Variants in CACNA1I observed in about 807,000 individuals in gnomAD.
CACNA1I encodes calcium voltage-gated channel subunit alpha1 I, also known as voltage-dependent T-type calcium channel subunit alpha-1I.
CACNA1I carries 74 observed loss-of-function variants against 201.6 expected under a neutral mutation model. The observed-to-expected ratio is 0.37, with a 90% CI of 0.30 to 0.45. CACNA1I has a LOEUF of 0.45. CACNA1I is among the 20% of genes least tolerant of loss of function. CACNA1I has a pLI of 1.00. For synonymous variants in CACNA1I, 1,431 were observed against 1,345.2 expected, an observed-to-expected ratio of 1.06 and a Z score of -1.40; for missense variants, 2,346 against 3,138.1, an observed-to-expected ratio of 0.75 and a Z score of 6.03.
chr22:39,635,321 G>C (rs1934181043), intron 5 of CACNA1I, among the ~76,000 whole-genome samples: 2 of 152,014 alleles, frequency 1.3e-5, no homozygotes, highest in Non-Finnish European at 2.9e-5. Flanking sequence ...CTGTGCTCGG[G>C]GCTCAGGATG....
chr22:39,680,521 C>T (rs1414147066), intron 33 of CACNA1I, among the ~76,000 whole-genome samples: 1 of 152,234 alleles, frequency 6.6e-6, no homozygotes, highest in African/African-American at 2.4e-5. Flanking sequence ...TCTCCGGTGT[C>T]TCTGGGCCCC....
chr22:39,620,733 G>C (rs532547712), intron 4 of CACNA1I, among the ~76,000 whole-genome samples: 6 of 143,920 alleles, frequency 4.2e-5, no homozygotes, highest in African/African-American at 1.5e-4. Context: ...GTTTTTTTTT[G>C]TTGTTGTTGT....
intron 1 of CACNA1I, among the ~76,000 whole-genome samples, chr22:39,595,065 G>A (rs132584): frequency 0.22 from 33,192 of 151,952 alleles, 4,744 homozygotes; most frequent in Non-Finnish European, 0.32. Context: ...CGAGGCAGGC[G>A]GATCACAAAG....
intron 3 of CACNA1I, among the ~76,000 whole-genome samples, chr22:39,611,874 C>T (rs1349606891): frequency 6.6e-6 from 1 of 152,150 alleles, no homozygotes; most frequent in Non-Finnish European, 1.5e-5. Flanking sequence ...CAGCATTCTT[C>T]CCCCAAATCC....
At chr22:39,593,264 C>T (rs985509040) in intron 1 of CACNA1I, among the ~76,000 whole-genome samples, 1 of 152,244 alleles carries the variant, frequency 6.6e-6, no homozygotes, top group Non-Finnish European at 1.5e-5. Flanking sequence ...GGTGTCAGCT[C>T]TCCAGGCTTG....
intron 1 of CACNA1I, among the ~76,000 whole-genome samples, chr22:39,585,906 C>T (rs1005206323): frequency 2.0e-5 from 3 of 151,498 alleles, no homozygotes; most frequent in Non-Finnish European, 2.9e-5. Flanking sequence ...TTTGACCTGG[C>T]GCGGTGGCTC....
chr22:39,631,362 C>T (rs1934057014), intron 4 of CACNA1I, among the ~76,000 whole-genome samples: 2 of 152,242 alleles, frequency 1.3e-5, no homozygotes, highest in African/African-American at 4.8e-5. Flanking sequence ...CTCAATCACA[C>T]TCATGGGGCT....
At chr22:39,644,231 G>C (rs770501154) in intron 7 of CACNA1I, among the ~76,000 whole-genome samples, 1 of 152,194 alleles carries the variant, frequency 6.6e-6, no homozygotes, top group Non-Finnish European at 1.5e-5. Context: ...GTTCCCGGGA[G>C]GGGCTGGAGG....
chr22:39,596,145 T>TC (rs1932882343), intron 1 of CACNA1I, among the ~76,000 whole-genome samples: 2 of 61,646 alleles, frequency 3.2e-5, no homozygotes, highest in African/African-American at 6.9e-5. Flanking sequence ...CGGAGAGAGA[T>TC]GGGGGAGCAG....
rs369448641 is a variant in CACNA1I at position 39,617,562 on chromosome 22, C to T, written c.483-1748C>T. ...CAGTCCTGGGCCCCGCGGGTGCCAGCGCCTGTTTGTGTGCCTGTGTGTGCC... is the reference window on the plus strand; with the variant it reads ...CAGTCCTGGGCCCCGCGGGTGCCAGTGCCTGTTTGTGTGCCTGTGTGTGCC... On this transcript the variant is annotated intron_variant, in intron 3 of 36. Coordinates refer to ENST00000402142, the MANE Select transcript of CACNA1I (RefSeq NM_021096.4). Among the ~76,000 whole-genome samples the T allele has an allele frequency of 5.9e-5, 9 of 152,264 alleles. No individual in the cohort carries two copies. The East Asian group carries it at 7.7e-4, about 13-fold the overall frequency.
intron 1 of CACNA1I, among the ~76,000 whole-genome samples, chr22:39,589,585 A>G (rs4374): frequency 0.87 from 132,936 of 152,232 alleles, 58,524 homozygotes; most frequent in Middle Eastern, 0.95. Flanking sequence ...GGCACCTTCC[A>G]GGAAGGAGCT....
At chr22:39,655,361 T>C (rs1934785417) in intron 10 of CACNA1I, among the ~76,000 whole-genome samples, 1 of 152,160 alleles carries the variant, frequency 6.6e-6, no homozygotes. Context: ...AGGCAGGGAC[T>C]TGCAGGCTCC....
rs564957504 is a variant in CACNA1I, at chr22:39,657,137, C to A, written c.1993-1015C>A. On this transcript the variant is annotated intron_variant, in intron 10 of 36. Coordinates refer to ENST00000402142, the MANE Select transcript of CACNA1I (RefSeq NM_021096.4). Reference sequence around the variant, plus strand: ...TAATGTCCAAACCAAACCCGGACCCCTCCAACTTCCCCCACTGCCCCCAGT... The same window carrying A: ...TAATGTCCAAACCAAACCCGGACCCATCCAACTTCCCCCACTGCCCCCAGT... Among the ~76,000 whole-genome samples, 5 of 152,356 alleles carry A rather than the reference C, an allele frequency of 3.3e-5. No homozygotes were observed. In the East Asian group the frequency reaches 7.7e-4, roughly 23 times the overall value.
intron 8 of CACNA1I, among the ~76,000 whole-genome samples, chr22:39,647,153 G>A (rs1934516718): frequency 9.3e-6 from 1 of 107,304 alleles, no homozygotes; most frequent in South Asian, 3.0e-4. Context: ...GGAGATAGCA[G>A]ATCGGCCTCG....
chr22:39,603,971 C>G (rs1276725401), intron 3 of CACNA1I, among the ~76,000 whole-genome samples: 1 of 152,156 alleles, frequency 6.6e-6, no homozygotes, highest in Non-Finnish European at 1.5e-5. Context: ...CTTTAGTGAA[C>G]AGGAAATTGT....
chr22:39,575,096 C>A (rs2145797411), intron 1 of CACNA1I, among the ~76,000 whole-genome samples: 1 of 152,384 alleles, frequency 6.6e-6, no homozygotes, highest in Non-Finnish European at 1.5e-5. Context: ...CTGGCCTGGG[C>A]CGTGGGCATG....
rs375623527 is a variant in CACNA1I, at chr22:39,659,565, C to T, written c.2448+15C>T. On this transcript the variant is annotated intron_variant, in intron 13 of 36. Coordinates refer to ENST00000402142, the MANE Select transcript of CACNA1I (RefSeq NM_021096.4). The surrounding 1 kb of genome is among the most constrained non-coding windows in gnomAD (Gnocchi z 4.3). ...CTGTGTTCCAGGTGAGTGGCCGCTG[C>T]GTGTTCATGTTTGCTGGGGAAGCGA... is the stretch of plus-strand genomic sequence containing the variant. 280 of 1,602,734 alleles carry T rather than the reference C, an allele frequency of 1.7e-4. 2 individuals are homozygous for T. The South Asian group carries it at 2.7e-3, about 16-fold the overall frequency.
chr22:39,610,714 G>A (rs1181012602), intron 3 of CACNA1I, among the ~76,000 whole-genome samples: 1 of 152,154 alleles, frequency 6.6e-6, no homozygotes, highest in East Asian at 1.9e-4. Flanking sequence ...CCTGAAAGAT[G>A]TCTCTAGATG....
intron 1 of CACNA1I, among the ~76,000 whole-genome samples, chr22:39,592,272 C>T (rs713971): frequency 0.92 from 140,099 of 152,288 alleles, 64,682 homozygotes; most frequent in Middle Eastern, 0.96. Flanking sequence ...AGGGATCTAA[C>T]CAGCTTAAAG....
Sources: gnomAD v4.1 joint callset for allele counts (sites outside exome capture counted in the v4.1 genomes callset) on GRCh38, gnomAD v4.1.1 for gene constraint, Gnocchi (gnomAD v3.1) non-coding constraint, MANE v1.5 for transcripts, NCBI Gene and HGNC (gene_info 2026-07-23, HGNC 2026-07-21) for gene names.